The following DICER1 variants were observed in gnomAD, a reference collection of about 807,000 sequenced individuals.
DICER1 encodes dicer 1, ribonuclease III.
A neutral mutation model predicts 194.1 loss-of-function variants in DICER1; 43 were observed. The ratio of observed to expected loss-of-function variants is 0.22; its 90% CI spans 0.17 to 0.29. DICER1 has a LOEUF of 0.29. Among genes scored for constraint, DICER1 ranks in the 10% least tolerant of loss-of-function variants. DICER1 has a pLI of 1.00. For synonymous variants in DICER1, 832 were observed against 820.5 expected (o/e 1.01, Z -0.24); for missense variants, 1,608 against 2,317.0 (o/e 0.69, Z 6.28).
Position 95,116,468 on chromosome 14 carries a change from G to A in DICER1, c.1737C>T (p.Tyr579=), listed in dbSNP as rs527269766. ...TTGATCTTACCTTTTCAATAGCTTT[G>A]TAGGTTTTAAGGTCTTCTTCAAAAC... ...IKSFEEDLKT[Y]KAIEKILRNK... Residue 579 remains tyrosine, a synonymous_variant, in exon 10 of 27, where the codon TAC becomes TAT. Coordinates refer to ENST00000343455, the MANE Select transcript of DICER1 (RefSeq NM_177438.3). 3 of 1,612,096 alleles carry A rather than the reference G, an allele frequency of 1.9e-6. No individual in the cohort carries two copies. Among genetic ancestry groups the A allele is most frequent in the Admixed American group, 1.7e-5 (1 of 59,974 alleles).
In DICER1 at chr14:95,115,711, A is replaced by G. The variant is rs2140113037; in HGVS notation, c.1863T>C (p.Gly621=). The G allele has an allele frequency of 6.2e-7, 1 of 1,614,168 alleles. No individual in the cohort carries two copies. The highest frequency in any genetic ancestry group is 1.6e-4 in the Middle Eastern group (1 of 6,062). Residue 621 remains glycine (G), a synonymous_variant, in exon 11 of 27, where the codon GGT becomes GGC. Transcript: ENST00000343455. ...FPPYVLRPDD[G]GPRVTINTAI... is the part of the protein sequence containing the mutation. ...CCGTGTTGATTGTGACTCGTGGACC[A>G]CCATCGTCAGGCCTCAACACATATG...
rs746137014 is a variant in DICER1, at chr14:95,099,750, AC to A, written c.4206+29del. The A allele has an allele frequency of 9.5e-4, 1,527 of 1,605,872 alleles. 18 individuals carry two copies. In the African/African-American group the frequency reaches 0.018, roughly 19 times the overall value. On this transcript the variant is annotated intron_variant, in intron 22 of 26. Coordinates refer to ENST00000343455, the MANE Select transcript of DICER1 (RefSeq NM_177438.3). Reference sequence around the variant, plus strand: ...TCCAGTTACACACACACACACACACACACACACACACACACACACACAAACT... The same window carrying A: ...TCCAGTTACACACACACACACACACAACACACACACACACACACACAAACT...
intron 22 of DICER1, among the ~76,000 whole-genome samples, chr14:95,097,231 T>C (rs1890436472): frequency 1.3e-5 from 2 of 152,246 alleles, no homozygotes; most frequent in African/African-American, 2.4e-5. Flanking sequence ...TAAAATCATT[T>C]TTTAAAATGT....
At chr14:95,129,130 TAA>T (rs1462809727) in intron 6 of DICER1, 91 of 217,010 alleles carry the variant, frequency 4.2e-4, no homozygotes, top group Non-Finnish European at 6.9e-4. Flanking sequence ...AAGCATCATG[TAA>T]GACATTCAGG....
chr14:95,098,528 A>G (rs1222731747), intron 22 of DICER1, among the ~76,000 whole-genome samples: 4 of 151,288 alleles, frequency 2.6e-5, no homozygotes, highest in Non-Finnish European at 5.9e-5. Flanking sequence ...ATTAAGAAAA[A>G]TAAATTGAAC....
rs1891339041 is a variant in DICER1, at chr14:95,105,542, A to C, written c.3093+136T>G. The C allele has an allele frequency of 1.3e-6, 1 of 775,732 alleles. No individual in the cohort carries two copies. The highest frequency in any genetic ancestry group is 1.7e-5 in the African/African-American group (1 of 57,178). The allele number at this position is 775,732 out of a possible 1,614,324, so 48.1% of individuals were successfully genotyped here. On this transcript the variant is annotated intron_variant, in intron 19 of 26. Transcript: ENST00000343455. The surrounding 1 kb of genome is among the most constrained non-coding windows in gnomAD (Gnocchi z 4.9). Reference sequence around the variant, plus strand: ...TACTAATTAAAACAAAACAAAACAAAATTTGAGGATTAGGTAACTTCTAAA... The same window carrying C: ...TACTAATTAAAACAAAACAAAACAACATTTGAGGATTAGGTAACTTCTAAA...
chr14:95,111,068 G>C (rs1208924032), intron 14 of DICER1, among the ~76,000 whole-genome samples: 1 of 152,174 alleles, frequency 6.6e-6, no homozygotes, highest in African/African-American at 2.4e-5. Flanking sequence ...GAATATGACA[G>C]ATGGGTCCAA....
intron 3 of DICER1, 109 bp downstream of exon 3, chr14:95,132,406 C>G: frequency 8.4e-7 from 1 of 1,188,840 alleles, no homozygotes; most frequent in Non-Finnish European, 1.2e-6. Context: ...AGTACATTAT[C>G]TGTCAAACTT....
chr14:95,157,728 T>G (rs1041173035), upstream of DICER1: 1 of 152,038 alleles, frequency 6.6e-6, no homozygotes, highest in African/African-American at 2.4e-5. Flanking sequence ...ACCTTGGCGT[T>G]GGGCCGCAGT....
intron 1 of DICER1, among the ~76,000 whole-genome samples, chr14:95,138,218 C>CAAACACAA (rs1595482025): frequency 6.7e-6 from 1 of 149,708 alleles, no homozygotes; most frequent in East Asian, 2.0e-4. Context: ...TTTTTCTTAG[C>CAAACACAA]AAACACAACA....
At chr14:95,104,981 T>A in intron 20 of DICER1, 90 bp downstream of exon 20, 2 of 1,287,284 alleles carry the variant, frequency 1.6e-6, no homozygotes, top group Non-Finnish European at 2.2e-6. Context: ...CTTTTAAGAA[T>A]TATTTTATAT....
intron 11 of DICER1, among the ~76,000 whole-genome samples, chr14:95,114,364 C>T (rs1340117227): frequency 6.6e-6 from 1 of 152,054 alleles, no homozygotes; most frequent in Non-Finnish European, 1.5e-5. Flanking sequence ...TCAAAACAAA[C>T]AGTAAATGAT....
intron 8 of DICER1, among the ~76,000 whole-genome samples, chr14:95,123,979 C>A (rs1459665681): frequency 6.6e-6 from 1 of 152,124 alleles, no homozygotes; most frequent in Non-Finnish European, 1.5e-5. Context: ...AGATTAGCAT[C>A]CTTTAAGAAA....
chr14:95,117,440 A>G (rs1314615850), intron 9 of DICER1, among the ~76,000 whole-genome samples, 182 bp downstream of exon 9: 1 of 152,238 alleles, frequency 6.6e-6, no homozygotes, highest in African/African-American at 2.4e-5. Flanking sequence ...TCTAATTCTG[A>G]GCATACAAAT....
intron 24 of DICER1, among the ~76,000 whole-genome samples, chr14:95,092,211 G>C (rs1889907570): frequency 6.6e-6 from 1 of 152,146 alleles, no homozygotes; most frequent in African/African-American, 2.4e-5. Flanking sequence ...TATATTATAC[G>C]TGAAAAGAAC....
intron 6 of DICER1, 142 bp from the exon 7 acceptor site, chr14:95,126,890 G>C: frequency 1.6e-6 from 1 of 615,206 alleles, no homozygotes; most frequent in Non-Finnish European, 2.8e-6. Context: ...AGTGGGGTGA[G>C]ATTTTAGGTG....
intron 15 of DICER1, 92 bp from the exon 16 acceptor site, chr14:95,108,185 T>A: frequency 7.6e-7 from 1 of 1,309,698 alleles, no homozygotes; most frequent in East Asian, 2.3e-5. Context: ...TGCTTTCTAG[T>A]GGAGAAATAG....
Position 95,096,264 on chromosome 14 carries a change from C to G in DICER1, c.4656G>C (p.Gln1552His). The G allele has an allele frequency of 6.2e-7, 1 of 1,614,232 alleles. No individual in the cohort carries two copies. ...QSISYDLHTE[Q>H]CIADKSIADC... Reference sequence around the variant, plus strand: ...CCGCTATGCTTTTGTCAGCAATACACTGCTCAGTGTGCAAGTCGTAAGAAA... The same window carrying G: ...CCGCTATGCTTTTGTCAGCAATACAGTGCTCAGTGTGCAAGTCGTAAGAAA... The change falls in exon 23 of 27, where the codon CAG (glutamine) becomes CAC (histidine). Residue 1552 changes from glutamine to histidine, a missense_variant. Physicochemically the swap from Gln to His is conservative, Grantham distance 24 (BLOSUM62 0). Around this residue, in one of 10 missense-constraint regions of DICER1, gnomAD observed 13 missense variants for 35.7 expected, o/e 0.36. Transcript: ENST00000343455.
chr14:95,094,078 C>T lies in DICER1; in HGVS notation c.5174G>A (p.Arg1725Gln), dbSNP rs751273916. The T allele has an allele frequency of 2.5e-6, 4 of 1,614,036 alleles. No individual in the cohort carries two copies. The highest frequency in any genetic ancestry group is 1.1e-5 in the South Asian group (1 of 91,076). The change falls in exon 24 of 27, where the codon CGG becomes CAG. Residue 1725 changes from arginine to glutamine, a missense_variant. Physicochemically the swap from Arg to Gln is conservative, Grantham distance 43. Coordinates refer to ENST00000343455, the MANE Select transcript of DICER1 (RefSeq NM_177438.3). ...LITKHLYEDP[R>Q]QHSPGVLTDL... ...TGTCAGGACCCCCGGGGAGTGCTGC[C>T]GCGGGTCTTCATAAAGGTGCTTGGT...
Sources: gnomAD v4.1 joint callset for allele counts (sites outside exome capture counted in the v4.1 genomes callset) on GRCh38, gnomAD v4.1.1 for gene constraint, gnomAD v4.1.1 regional missense constraint, Gnocchi (gnomAD v3.1) non-coding constraint, MANE v1.5 for transcripts, NCBI Gene and HGNC (gene_info 2026-07-23, HGNC 2026-07-21) for gene names.